Variants in CDC14B observed in about 807,000 individuals in gnomAD.
CDC14B encodes the protein dual specificity protein phosphatase CDC14B.
Under a neutral mutation model 64.2 loss-of-function variants are expected in CDC14B, and 22 were observed. The observed-to-expected ratio is 0.34, with a 90% CI of 0.24 to 0.49. The LOEUF (loss-of-function observed/expected upper bound fraction) is 0.49. CDC14B is among the 20% of genes least tolerant of loss of function. The probability of loss-of-function intolerance (pLI) is 0.99; values close to 1 mark genes in which losing one functional copy is unlikely to be tolerated. For missense variants in CDC14B, 498 were observed against 629.9 expected (o/e 0.79, Z 2.24); for synonymous variants, 191 against 215.8 (o/e 0.89, Z 1.01).
chr9:96,533,838 T>A, intron 9 of CDC14B, 89 bp downstream of exon 9: 2 of 758,380 alleles, frequency 2.6e-6, no homozygotes, highest in Non-Finnish European at 4.0e-6. Flanking sequence ...TTTCATGTTC[T>A]GACACATAAA....
At chr9:96,577,649 C>T (rs752280843) in intron 1 of CDC14B, among the ~76,000 whole-genome samples, 1 of 152,142 alleles carries the variant, frequency 6.6e-6, no homozygotes, top group Non-Finnish European at 1.5e-5. Context: ...TGCCAAGACC[C>T]CACCGAACTC....
intron 5 of CDC14B, among the ~76,000 whole-genome samples, chr9:96,543,533 A>AT (rs1182200085): frequency 1.3e-5 from 2 of 152,162 alleles, no homozygotes; most frequent in African/African-American, 4.8e-5. Context: ...GAAAGTGCTT[A>AT]TATTACTTTA....
At chr9:96,513,775 G>A (rs1004485476) in intron 12 of CDC14B, among the ~76,000 whole-genome samples, 11 of 152,242 alleles carry the variant, frequency 7.2e-5, no homozygotes, top group African/African-American at 2.7e-4. Flanking sequence ...GCAGCCTCCA[G>A]AGAAGGCTTT....
At chr9:96,565,548 A>G (rs1843791291) in intron 1 of CDC14B, 65 bp from the exon 2 acceptor site, 1 of 1,019,782 alleles carries the variant, frequency 9.8e-7, no homozygotes, top group Non-Finnish European at 1.6e-6. Context: ...ATATCATGAC[A>G]CAACTCTTTT....
downstream of CDC14B, among the ~76,000 whole-genome samples, chr9:96,498,363 T>G (rs1445459992): frequency 6.6e-6 from 1 of 152,222 alleles, no homozygotes; most frequent in Non-Finnish European, 1.5e-5. Context: ...GCCACAGAAG[T>G]GGCGGAGCTG....
At position 96,503,713 on chromosome 9, in the gene CDC14B, G is replaced by C; in HGVS notation, c.*40C>G. The C allele has an allele frequency of 1.3e-6, 2 of 1,588,060 alleles. No homozygotes were observed. Among genetic ancestry groups the C allele is most frequent in the East Asian group, 4.5e-5 (2 of 44,746 alleles). On this transcript the variant is annotated 3_prime_UTR_variant, in exon 14 of 14. Transcript: ENST00000375241. Reference sequence around the variant, plus strand: ...GTGCTAATTTCTGTTGCAGTTTTCAGTCCTAGAGTCTTCCTTCAGCTCTGG... The same window carrying C: ...GTGCTAATTTCTGTTGCAGTTTTCACTCCTAGAGTCTTCCTTCAGCTCTGG...
At chr9:96,569,688 A>G (rs546456944) in intron 1 of CDC14B, among the ~76,000 whole-genome samples, 2 of 152,018 alleles carry the variant, frequency 1.3e-5, no homozygotes, top group South Asian at 4.2e-4. Flanking sequence ...GCAGTGGTGC[A>G]GTCTTGGCTC....
At position 96,582,532 on chromosome 9, in the gene CDC14B, T is replaced by C. The variant is rs556782181; in HGVS notation, c.161-17049A>G. Among the ~76,000 whole-genome samples, 6 of 152,326 alleles carry C rather than the reference T, an allele frequency of 3.9e-5. No homozygotes were observed. The South Asian group carries it at 8.3e-4, about 21-fold the overall frequency. On this transcript the variant is annotated intron_variant, in intron 1 of 13. Transcript: ENST00000375241. ...GAATGTAAGGTACGGTTCCAGTCAA[T>C]GGAAACTGGACACAGCAGTAGGGTG...
intron 10 of CDC14B, 79 bp downstream of exon 10, chr9:96,523,508 A>T: frequency 6.2e-7 from 1 of 1,603,236 alleles, no homozygotes; most frequent in Non-Finnish European, 8.5e-7. Flanking sequence ...TGTTGTTGGA[A>T]ACTAAAGGAA....
chr9:96,496,321 C>T (rs368239167), downstream of CDC14B: 21 of 516,542 alleles, frequency 4.1e-5, no homozygotes, highest in African/African-American at 3.3e-4. Flanking sequence ...GATCAGAAGC[C>T]GGTCTAGAAA....
intron 12 of CDC14B, among the ~76,000 whole-genome samples, chr9:96,519,235 G>C (rs1464288435): frequency 2.0e-5 from 3 of 152,076 alleles, no homozygotes; most frequent in Non-Finnish European, 4.4e-5. Context: ...TATGCAGAAC[G>C]ACAGGCCTCA....
intron 12 of CDC14B, among the ~76,000 whole-genome samples, chr9:96,516,686 G>C (rs1464331099): frequency 6.6e-6 from 1 of 152,148 alleles, no homozygotes; most frequent in Admixed American, 6.5e-5. Context: ...ACGTTGGCCA[G>C]GCTGGTCTCA....
chr9:96,578,775 CAATAA>C (rs1844956330), intron 1 of CDC14B, among the ~76,000 whole-genome samples: 1 of 152,174 alleles, frequency 6.6e-6, no homozygotes, highest in South Asian at 2.1e-4. Flanking sequence ...GGTGAAATCC[CAATAA>C]AGTCTGCAGT....
chr9:96,619,494 T>C lies in CDC14B; in HGVS notation c.-116A>G. 1 of 443,392 alleles carries C rather than the reference T, an allele frequency of 2.3e-6. No homozygotes were observed. Among genetic ancestry groups the C allele is most frequent in the Middle Eastern group, 1.1e-3 (1 of 882 alleles). The allele number at this position is 443,392 out of a possible 1,614,324, so 27.5% of individuals were successfully genotyped here. On this transcript the variant is annotated 5_prime_UTR_variant, in exon 1 of 14. Coordinates refer to ENST00000375241, the MANE Select transcript of CDC14B (RefSeq NM_033331.4). ...CGGGGCGGCGGGCGCAGAGCGGCGC[T>C]GCGGGGACGGCGGGCGCCGGCAGAG... is the stretch of plus-strand genomic sequence containing the variant.
At chr9:96,583,328 A>G (rs1044223740) in intron 1 of CDC14B, among the ~76,000 whole-genome samples, 1 of 151,084 alleles carries the variant, frequency 6.6e-6, no homozygotes, top group Admixed American at 6.6e-5. Context: ...GTCAGTCTGG[A>G]TGCGTAAACC....
Position 96,539,369 on chromosome 9 carries a change from TTTTG to T in CDC14B, c.565-233_565-230del. Among the ~76,000 whole-genome samples, 4 of 152,330 alleles carry T rather than the reference TTTTG, an allele frequency of 2.6e-5. No homozygotes were observed. In the South Asian group the frequency reaches 6.2e-4, roughly 24 times the overall value. ...ATAAGTTTGTTGTGTTTTGTTTGGA[TTTTG>T]TTTGTGAGATGTGCTTTTTTATTTT... On this transcript the variant is annotated intron_variant, in intron 6 of 13. Transcript: ENST00000375241.
chr9:96,546,221 A>G (rs1840803515), intron 5 of CDC14B, among the ~76,000 whole-genome samples: 1 of 152,210 alleles, frequency 6.6e-6, no homozygotes, highest in Non-Finnish European at 1.5e-5. Flanking sequence ...CTACAAAAGG[A>G]ATAAAAAAGG....
At chr9:96,560,809 A>T (rs1843067226) in intron 4 of CDC14B, among the ~76,000 whole-genome samples, 2 of 150,424 alleles carry the variant, frequency 1.3e-5, no homozygotes, top group Admixed American at 1.3e-4. Flanking sequence ...AAACACCAAG[A>T]GAGGCTGGGA....
intron 1 of CDC14B, among the ~76,000 whole-genome samples, chr9:96,599,900 T>G (rs1046872962): frequency 2.0e-5 from 3 of 152,026 alleles, no homozygotes; most frequent in Admixed American, 6.6e-5. Flanking sequence ...CCCAACTAAT[T>G]TTTGTATTTT....
Sources: allele counts gnomAD v4.1 joint callset (sites outside exome capture counted in the v4.1 genomes callset), GRCh38; gene constraint gnomAD v4.1.1; transcripts MANE v1.5; gene names NCBI Gene and HGNC (gene_info 2026-07-23, HGNC 2026-07-21).